Variants in HS6ST3 observed in about 807,000 individuals in gnomAD.
The protein encoded by HS6ST3 is heparan sulfate 6-O-sulfotransferase 3, also known as heparan-sulfate 6-O-sulfotransferase 3.
Under a neutral mutation model 36.7 loss-of-function variants are expected in HS6ST3, and 12 were observed. The ratio of observed to expected loss-of-function variants is 0.33; its 90% CI spans 0.21 to 0.53. The LOEUF (loss-of-function observed/expected upper bound fraction) is 0.53, where lower values mean the gene tolerates loss of function less well. Ranked by LOEUF, HS6ST3 falls within the 20% of genes least tolerant of loss-of-function variation. The probability of loss-of-function intolerance (pLI) is 0.95; values close to 1 mark genes in which losing one functional copy is unlikely to be tolerated. For missense variants in HS6ST3, 584 were observed against 640.9 expected, an observed-to-expected ratio of 0.91 and a Z score of 0.96; for synonymous variants, 240 against 257.5, an observed-to-expected ratio of 0.93 and a Z score of 0.65.
intron 1 of HS6ST3, among the ~76,000 whole-genome samples, chr13:96,633,585 T>A (rs190406228): frequency 6.6e-6 from 1 of 152,290 alleles, no homozygotes; most frequent in African/African-American, 2.4e-5. Context: ...AACTCTGACC[T>A]TGTAGAGGTT....
At chr13:96,701,952 A>T (rs1483625522) in intron 1 of HS6ST3, among the ~76,000 whole-genome samples, 1 of 152,164 alleles carries the variant, frequency 6.6e-6, no homozygotes, top group Non-Finnish European at 1.5e-5. Flanking sequence ...ACAGAGTGAG[A>T]CCAAAACTCA....
At chr13:96,398,114 G>C (rs1354309714) in intron 1 of HS6ST3, among the ~76,000 whole-genome samples, 1 of 152,086 alleles carries the variant, frequency 6.6e-6, no homozygotes, top group East Asian at 1.9e-4. Context: ...CTATCTTATA[G>C]GGTCATTGTG....
intron 1 of HS6ST3, among the ~76,000 whole-genome samples, chr13:96,369,940 A>G (rs1463253007): frequency 6.6e-6 from 1 of 152,004 alleles, no homozygotes; most frequent in African/African-American, 2.4e-5. Context: ...CAGTATAATT[A>G]TATTGATGAG....
intron 1 of HS6ST3, among the ~76,000 whole-genome samples, chr13:96,278,479 A>G (rs1464016800): frequency 6.6e-6 from 1 of 152,176 alleles, no homozygotes; most frequent in East Asian, 1.9e-4. Flanking sequence ...CTGATATTGA[A>G]TAGGAAAAGC....
chr13:96,236,311 C>G (rs1342002761), intron 1 of HS6ST3, among the ~76,000 whole-genome samples: 1 of 152,148 alleles, frequency 6.6e-6, no homozygotes, highest in East Asian at 1.9e-4. Context: ...CAATATCTTG[C>G]ATCCTTCAAT....
At chr13:96,121,812 T>C (rs2053926688) in intron 1 of HS6ST3, among the ~76,000 whole-genome samples, 2 of 152,168 alleles carry the variant, frequency 1.3e-5, no homozygotes, top group South Asian at 2.1e-4. Flanking sequence ...CATCCCAATC[T>C]TGAAGAGAAA....
At chr13:96,614,616 G>C (rs1177741411) in intron 1 of HS6ST3, among the ~76,000 whole-genome samples, 3 of 152,124 alleles carry the variant, frequency 2.0e-5, no homozygotes, top group Non-Finnish European at 4.4e-5. Flanking sequence ...CTATTAACTT[G>C]TGAAAGTCCA....
intron 1 of HS6ST3, among the ~76,000 whole-genome samples, chr13:96,152,632 T>G (rs967725896): frequency 2.0e-5 from 3 of 152,086 alleles, no homozygotes; most frequent in Non-Finnish European, 4.4e-5. Flanking sequence ...CCACCGCGCC[T>G]GGCTCCTCTT....
chr13:96,719,947 C>G (rs1353603369), intron 1 of HS6ST3, among the ~76,000 whole-genome samples: 1 of 152,154 alleles, frequency 6.6e-6, no homozygotes, highest in Non-Finnish European at 1.5e-5. Context: ...AGCTGCATTT[C>G]TCCTTGGGTT....
At chr13:96,567,213 G>T (rs2056284571) in intron 1 of HS6ST3, among the ~76,000 whole-genome samples, 1 of 151,216 alleles carries the variant, frequency 6.6e-6, no homozygotes, top group African/African-American at 2.4e-5. Flanking sequence ...ACACCCACAA[G>T]TCTTAAATTA....
At chr13:96,341,163 C>T (rs1402899547) in intron 1 of HS6ST3, among the ~76,000 whole-genome samples, 5 of 152,130 alleles carry the variant, frequency 3.3e-5, no homozygotes, top group East Asian at 1.9e-4. Flanking sequence ...TACAGTGTTT[C>T]GAAGTGGTAT....
intron 1 of HS6ST3, among the ~76,000 whole-genome samples, chr13:96,618,469 A>G (rs990746722): frequency 6.6e-5 from 10 of 152,260 alleles, no homozygotes; most frequent in African/African-American, 2.4e-4. Context: ...GATATATGAA[A>G]AACAAGAACC....
intron 1 of HS6ST3, among the ~76,000 whole-genome samples, chr13:96,218,540 A>G (rs2054438728): frequency 1.3e-5 from 2 of 152,112 alleles, no homozygotes; most frequent in East Asian, 3.9e-4. Flanking sequence ...AAGAGTCAGG[A>G]CCCTGTCACT....
At chr13:96,643,221 A>G (rs1159488224) in intron 1 of HS6ST3, among the ~76,000 whole-genome samples, 3 of 151,788 alleles carry the variant, frequency 2.0e-5, no homozygotes, top group East Asian at 1.9e-4. Context: ...GAATCTTCCA[A>G]TTTTTGCTGA....
intron 1 of HS6ST3, among the ~76,000 whole-genome samples, chr13:96,105,333 A>G (rs2053836758): frequency 6.6e-6 from 1 of 152,150 alleles, no homozygotes; most frequent in Non-Finnish European, 1.5e-5. Context: ...GCAAAACCTG[A>G]CACAGACAAT....
At chr13:96,611,248 T>C (rs983746144) in intron 1 of HS6ST3, among the ~76,000 whole-genome samples, 3 of 151,904 alleles carry the variant, frequency 2.0e-5, no homozygotes, top group Non-Finnish European at 4.4e-5. Flanking sequence ...ACTCGTCTTC[T>C]ACAATTTACC....
At chr13:96,818,350 C>T (rs1224089924) in intron 1 of HS6ST3, among the ~76,000 whole-genome samples, 1 of 152,214 alleles carries the variant, frequency 6.6e-6, no homozygotes, top group Non-Finnish European at 1.5e-5. Context: ...GAAACTCATG[C>T]TAATTATCGT....
rs2056347447 is a variant in HS6ST3 at position 96,583,060 on chromosome 13, A to G, written c.708-249430A>G. Among the ~76,000 whole-genome samples, 3 of 152,132 alleles carry G rather than the reference A, an allele frequency of 2.0e-5. No homozygotes were observed. In the South Asian group the frequency reaches 6.2e-4, roughly 32 times the overall value. On this transcript the variant is annotated intron_variant, in intron 1 of 1. Coordinates refer to ENST00000376705, the MANE Select transcript of HS6ST3 (RefSeq NM_153456.4). ...ATCCTATTTCTCTAGAACCCCAGCCATAGTCTTCTTACTTGCCCCTTTGTT... is the reference window on the plus strand; with the variant it reads ...ATCCTATTTCTCTAGAACCCCAGCCGTAGTCTTCTTACTTGCCCCTTTGTT...
chr13:96,809,916 G>C (rs1225180188), intron 1 of HS6ST3, among the ~76,000 whole-genome samples: 1 of 152,228 alleles, frequency 6.6e-6, no homozygotes, highest in Non-Finnish European at 1.5e-5. Flanking sequence ...GCTTGGCACA[G>C]GGCCTGGGGC....
Sources: allele counts gnomAD v4.1 joint callset (sites outside exome capture counted in the v4.1 genomes callset), GRCh38; gene constraint gnomAD v4.1.1; transcripts MANE v1.5; gene names NCBI Gene and HGNC (gene_info 2026-07-23, HGNC 2026-07-21).